Variants in GABRA3 observed in about 807,000 individuals in gnomAD.
GABRA3 encodes the protein gamma-aminobutyric acid type A receptor subunit alpha3.
In GABRA3, 10 loss-of-function variants were observed where a neutral mutation model predicts 30.1. That is an observed-to-expected ratio of 0.33 (90% confidence interval 0.20 to 0.56). The LOEUF is 0.56. Ranked by LOEUF, GABRA3 falls within the 20% of genes least tolerant of loss-of-function variation. The pLI, the probability that GABRA3 is intolerant of heterozygous loss-of-function variation, is 0.89. For missense variants in GABRA3, 233 were observed against 392.0 expected (o/e 0.59, Z 3.42); for synonymous variants, 151 against 146.8 (o/e 1.03, Z -0.21).
chrX:152,271,424 C>T (rs771854505), intron 4 of GABRA3, among the ~76,000 whole-genome samples: 1 of 111,962 alleles, frequency 8.9e-6, no homozygotes, highest in Non-Finnish European at 1.9e-5. Flanking sequence ...GCATTTTGCC[C>T]CTGCCCTAGA....
chrX:152,242,656 TAATC>T (rs1213373858), intron 5 of GABRA3, among the ~76,000 whole-genome samples: 2 of 112,110 alleles, frequency 1.8e-5, no homozygotes, highest in African/African-American at 3.2e-5. Context: ...ACTTCATAAA[TAATC>T]AGAGAAATTC....
chrX:152,440,866 G>T (rs1390602595), intron 1 of GABRA3, among the ~76,000 whole-genome samples: 1 of 110,812 alleles, frequency 9.0e-6, no homozygotes, highest in African/African-American at 3.3e-5. Context: ...CCCGTCAGGG[G>T]GTGGGAGGCT....
At chrX:152,224,492 G>A (rs989819514) in intron 6 of GABRA3, among the ~76,000 whole-genome samples, 1 of 111,712 alleles carries the variant, frequency 9.0e-6, no homozygotes, top group African/African-American at 3.2e-5. Flanking sequence ...TTAGAAAACA[G>A]ACATTAATGT....
chrX:152,426,441 T>C (rs764932971), intron 1 of GABRA3, among the ~76,000 whole-genome samples: 1 of 112,140 alleles, frequency 8.9e-6, no homozygotes, highest in South Asian at 3.7e-4. Context: ...TAGTTTGCTA[T>C]GTATTCACAA....
At chrX:152,225,270 T>C (rs1308071631) in intron 5 of GABRA3, among the ~76,000 whole-genome samples, 2 of 110,700 alleles carry the variant, frequency 1.8e-5, no homozygotes, top group African/African-American at 6.6e-5. Flanking sequence ...AGAAGAGATA[T>C]GTAGAAAGAA....
At chrX:152,331,085 C>G (rs966249789) in intron 3 of GABRA3, among the ~76,000 whole-genome samples, 2 of 108,524 alleles carry the variant, frequency 1.8e-5, no homozygotes, top group Non-Finnish European at 3.8e-5. Flanking sequence ...CTGTGAAACA[C>G]CCTGAAACCA....
At chrX:152,270,330 A>C (rs936099922) in intron 4 of GABRA3, among the ~76,000 whole-genome samples, 2 of 111,370 alleles carry the variant, frequency 1.8e-5, no homozygotes, top group Non-Finnish European at 3.8e-5. Flanking sequence ...ATCTGCCATT[A>C]CTGTACGTTT....
intron 2 of GABRA3, among the ~76,000 whole-genome samples, chrX:152,357,682 A>C (rs1194459807): frequency 2.7e-5 from 3 of 111,879 alleles, no homozygotes; most frequent in Non-Finnish European, 5.6e-5. Flanking sequence ...TGTCTTCATC[A>C]TGAAATCTTT....
intron 4 of GABRA3, among the ~76,000 whole-genome samples, chrX:152,279,923 G>A (rs1939167533): frequency 9.0e-6 from 1 of 110,941 alleles, no homozygotes; most frequent in Non-Finnish European, 1.9e-5. Flanking sequence ...GTCTGTTATT[G>A]GTGTATAAGG....
At chrX:152,367,153 C>A (rs1218106359) in intron 1 of GABRA3, among the ~76,000 whole-genome samples, 2 of 110,929 alleles carry the variant, frequency 1.8e-5, no homozygotes, top group Non-Finnish European at 3.8e-5. Flanking sequence ...AAACCTATTG[C>A]TGATTTTAAT....
intron 3 of GABRA3, among the ~76,000 whole-genome samples, chrX:152,342,728 T>A (rs1940333814): frequency 8.9e-6 from 1 of 111,937 alleles, no homozygotes; most frequent in Non-Finnish European, 1.9e-5. Flanking sequence ...AGATAATGTG[T>A]TACTTAGAAA....
At chrX:152,416,059 T>G (rs1010498260) in intron 1 of GABRA3, among the ~76,000 whole-genome samples, 5 of 108,730 alleles carry the variant, frequency 4.6e-5, no homozygotes, top group African/African-American at 6.7e-5. Context: ...GGGTATTCAA[T>G]TAGGAAAAGA....
At chrX:152,323,400 G>A (rs1205138338) in intron 3 of GABRA3, among the ~76,000 whole-genome samples, 3 of 111,464 alleles carry the variant, frequency 2.7e-5, no homozygotes, top group African/African-American at 9.8e-5. Context: ...TTCCTTGAAC[G>A]GGAAAGTTTC....
chrX:152,194,312 G>A (rs1028558943), intron 8 of GABRA3, among the ~76,000 whole-genome samples: 3 of 111,358 alleles, frequency 2.7e-5, no homozygotes, highest in Non-Finnish European at 5.7e-5. Context: ...TATATTCTTC[G>A]GTGAAATATC....
chrX:152,289,526 T>A (rs1939361030), intron 3 of GABRA3, among the ~76,000 whole-genome samples: 1 of 110,910 alleles, frequency 9.0e-6, no homozygotes, highest in Non-Finnish European at 1.9e-5. Context: ...CTTTCTTTTT[T>A]TAAATTATAC....
At chrX:152,405,306 CAAA>C (rs1182138088) in intron 1 of GABRA3, among the ~76,000 whole-genome samples, 1 of 33,738 alleles carries the variant, frequency 3.0e-5, no homozygotes, top group Non-Finnish European at 6.5e-5. Flanking sequence ...CGCACCCTTG[CAAA>C]AAAAAAAAAA....
intron 1 of GABRA3, among the ~76,000 whole-genome samples, chrX:152,368,555 G>A (rs1273993692): frequency 1.8e-5 from 2 of 110,687 alleles, no homozygotes; most frequent in African/African-American, 6.6e-5. Context: ...GGACATTTAA[G>A]TTGATTTCAT....
At chrX:152,348,504 G>A (rs1940425634) in intron 2 of GABRA3, among the ~76,000 whole-genome samples, 1 of 111,592 alleles carries the variant, frequency 9.0e-6, no homozygotes, top group Admixed American at 9.5e-5. Flanking sequence ...GTTATGCCAA[G>A]TTTAGTCATT....
intron 2 of GABRA3, among the ~76,000 whole-genome samples, chrX:152,360,605 C>G (rs1247251793): frequency 1.3e-5 from 1 of 74,919 alleles, no homozygotes; most frequent in African/African-American, 5.0e-5. Flanking sequence ...CTAGATGACA[C>G]GTTAGTGGGT....
Sources: gnomAD v4.1 joint callset for allele counts (sites outside exome capture counted in the v4.1 genomes callset) on GRCh38, gnomAD v4.1.1 for gene constraint, MANE v1.5 for transcripts, NCBI Gene and HGNC (gene_info 2026-07-23, HGNC 2026-07-21) for gene names.